Variants in RNF13 observed in about 807,000 individuals in gnomAD.
The protein encoded by RNF13 is E3 ubiquitin-protein ligase RNF13.
Under a neutral mutation model 37.7 loss-of-function variants are expected in RNF13, and 19 were observed. The ratio of observed to expected loss-of-function variants is 0.50; its 90% CI spans 0.35 to 0.74. The LOEUF is 0.74. RNF13 is among the 30% of genes least tolerant of loss of function. RNF13 has a pLI of 0.01. For missense variants in RNF13, 375 were observed against 453.0 expected (o/e 0.83, Z 1.56); for synonymous variants, 144 against 157.8 (o/e 0.91, Z 0.65).
At chr3:149,837,722 T>C (rs1244292124) in intron 1 of RNF13, among the ~76,000 whole-genome samples, 1 of 152,184 alleles carries the variant, frequency 6.6e-6, no homozygotes, top group Non-Finnish European at 1.5e-5. Flanking sequence ...CACATGGGAA[T>C]TCAAGATGAG....
intron 6 of RNF13, among the ~76,000 whole-genome samples, chr3:149,908,696 A>C (rs1275354809): frequency 6.6e-6 from 1 of 152,220 alleles, no homozygotes; most frequent in African/African-American, 2.4e-5. Context: ...TATTGCCTGG[A>C]AAGCTGATCT....
At chr3:149,952,040 C>T (rs1395880380) in intron 8 of RNF13, among the ~76,000 whole-genome samples, 1 of 152,176 alleles carries the variant, frequency 6.6e-6, no homozygotes, top group Non-Finnish European at 1.5e-5. Flanking sequence ...TCCTTCTCCT[C>T]TTCAACTCAC....
At chr3:149,895,445 A>T (rs879081716) in intron 4 of RNF13, 28 bp from the exon 5 acceptor site, 5 of 1,102,652 alleles carry the variant, frequency 4.5e-6, no homozygotes, top group Middle Eastern at 2.7e-4. Flanking sequence ...TTATAACATA[A>T]TTTTTTTTTT....
chr3:149,929,725 A>G (rs1003270868), intron 8 of RNF13, among the ~76,000 whole-genome samples: 1 of 152,042 alleles, frequency 6.6e-6, no homozygotes, highest in Non-Finnish European at 1.5e-5. Flanking sequence ...CCCCTACTAT[A>G]TAGGTTCATT....
chr3:149,955,374 AT>A (rs1271379128), intron 8 of RNF13, among the ~76,000 whole-genome samples: 34 of 152,078 alleles, frequency 2.2e-4, no homozygotes, highest in Non-Finnish European at 4.1e-4. Context: ...AATAATAAAT[AT>A]TAGTTCCTTT....
chr3:149,826,053 A>G (rs1385471511), intron 1 of RNF13, among the ~76,000 whole-genome samples: 2 of 152,134 alleles, frequency 1.3e-5, no homozygotes, highest in Admixed American at 1.3e-4. Flanking sequence ...TCCTGTTTGA[A>G]TCTCTACTGG....
At chr3:149,829,510 C>T (rs1720835867) in intron 1 of RNF13, among the ~76,000 whole-genome samples, 1 of 151,944 alleles carries the variant, frequency 6.6e-6, no homozygotes, top group Non-Finnish European at 1.5e-5. Flanking sequence ...AAAAATTTTG[C>T]TTTGGTTGAT....
chr3:149,874,744 GTAATAGTAAGAATT>G (rs1712489528), intron 4 of RNF13, among the ~76,000 whole-genome samples: 1 of 152,090 alleles, frequency 6.6e-6, no homozygotes, highest in Non-Finnish European at 1.5e-5. Flanking sequence ...TCATAAATTT[GTAATAGTAAGAATT>G]ATGGATCACC....
chr3:149,849,250 A>G (rs1485391365), intron 2 of RNF13, among the ~76,000 whole-genome samples: 1 of 152,202 alleles, frequency 6.6e-6, no homozygotes, highest in African/African-American at 2.4e-5. Context: ...CCATGATTTT[A>G]CTGAGAAGTA....
intron 3 of RNF13, among the ~76,000 whole-genome samples, chr3:149,864,077 A>T (rs953414419): frequency 2.3e-5 from 3 of 128,168 alleles, no homozygotes; most frequent in African/African-American, 9.1e-5. Flanking sequence ...GTATGAATGT[A>T]ACTACCATAG....
rs78595869 is a variant in RNF13, at chr3:149,820,171, G to A, written c.-17+6818G>A. ...AAGGAGTTAGAAATACGTTGACCTT[G>A]AATTGATTGAAAGTGAATGTAGTTC... On this transcript the variant is annotated intron_variant, in intron 1 of 9. Transcript: ENST00000392894. Among the ~76,000 whole-genome samples the A allele has an allele frequency of 1.7e-4, 26 of 152,100 alleles. No individual in the cohort carries two copies. The East Asian group carries it at 4.2e-3, about 25-fold the overall frequency.
At chr3:149,894,035 T>C (rs958482337) in intron 4 of RNF13, 1 of 152,174 alleles carries the variant, frequency 6.6e-6, no homozygotes, top group African/African-American at 2.4e-5. Context: ...AAAAAGTACG[T>C]TTAATTGATT....
chr3:149,884,849 C>CTGTG (rs137868474), intron 4 of RNF13, among the ~76,000 whole-genome samples: 1 of 150,042 alleles, frequency 6.7e-6, no homozygotes, highest in African/African-American at 2.4e-5. Flanking sequence ...CTTATTTATT[C>CTGTG]TGTGTGTGTG....
At chr3:149,923,764 CAAAAAA>C (rs375634287) in intron 8 of RNF13, among the ~76,000 whole-genome samples, 1 of 54,998 alleles carries the variant, frequency 1.8e-5, no homozygotes, top group African/African-American at 6.5e-5. Flanking sequence ...GACTCCATCT[CAAAAAA>C]AAAAAAAAAA....
intron 8 of RNF13, among the ~76,000 whole-genome samples, chr3:149,948,734 G>A (rs1406269954): frequency 1.3e-5 from 2 of 152,036 alleles, no homozygotes; most frequent in African/African-American, 4.8e-5. Flanking sequence ...TATGCTTTTA[G>A]AAAAATTCTG....
chr3:149,861,853 T>C (rs1724290702), intron 3 of RNF13, among the ~76,000 whole-genome samples: 2 of 152,178 alleles, frequency 1.3e-5, no homozygotes, highest in South Asian at 4.1e-4. Flanking sequence ...TATCCTGACT[T>C]GATCATTACA....
At position 149,829,265 on chromosome 3, in the gene RNF13, A is replaced by C. The variant is rs1178093320; in HGVS notation, c.-17+15912A>C. The stretch of plus-strand genomic sequence containing the variant: ...CAGACGTGAGCCACCAGGCTCAGCT[A>C]ATTTTTGTATTTTTAGTAGAGACAG... On this transcript the variant is annotated intron_variant, in intron 1 of 9. Transcript: ENST00000392894. Among the ~76,000 whole-genome samples the C allele has an allele frequency of 2.6e-5, 4 of 151,992 alleles. No individual in the cohort carries two copies. The East Asian group carries it at 7.7e-4, about 29-fold the overall frequency.
chr3:149,938,431 C>T (rs1049681690), intron 8 of RNF13, among the ~76,000 whole-genome samples: 1 of 151,298 alleles, frequency 6.6e-6, no homozygotes, highest in Admixed American at 6.6e-5. Context: ...CCACCAGCTC[C>T]AAAAGTCCTG....
chr3:149,836,339 A>G (rs1351143848), intron 1 of RNF13, among the ~76,000 whole-genome samples: 1 of 152,194 alleles, frequency 6.6e-6, no homozygotes, highest in African/African-American at 2.4e-5. Flanking sequence ...CAAAAAGTAC[A>G]TGAAAAGATG....
Sources: gnomAD v4.1 joint callset for allele counts (sites outside exome capture counted in the v4.1 genomes callset) on GRCh38, gnomAD v4.1.1 for gene constraint, MANE v1.5 for transcripts, NCBI Gene and HGNC (gene_info 2026-07-23, HGNC 2026-07-21) for gene names.